The following XRCC5 variants were observed in gnomAD, a reference collection of about 807,000 sequenced individuals.
XRCC5 encodes the protein X-ray repair cross complementing 5.
A neutral mutation model predicts 95.7 loss-of-function variants in XRCC5; 12 were observed. That is an observed-to-expected ratio of 0.13 (90% CI 0.08 to 0.20). The LOEUF is 0.20. Ranked by LOEUF, XRCC5 falls within the 10% of genes least tolerant of loss-of-function variation. XRCC5 has a pLI of 1.00. For missense variants in XRCC5, 595 were observed against 873.9 expected (o/e 0.68, Z 4.02); for synonymous variants, 281 against 290.3 (o/e 0.97, Z 0.33).
At chr2:216,165,732 G>A (rs546274367) in intron 16 of XRCC5, among the ~76,000 whole-genome samples, 1 of 152,258 alleles carries the variant, frequency 6.6e-6, no homozygotes, top group Admixed American at 6.5e-5. Flanking sequence ...AAATTCAGTT[G>A]TCAAAAGGGC....
chr2:216,136,111 C>T (rs1352689854), intron 10 of XRCC5, among the ~76,000 whole-genome samples: 1 of 152,002 alleles, frequency 6.6e-6, no homozygotes, highest in African/African-American at 2.4e-5. Flanking sequence ...AATCCCAGCA[C>T]TTTGGGAGGC....
At chr2:216,202,908 G>C (rs915012106) in intron 19 of XRCC5, among the ~76,000 whole-genome samples, 14 of 152,212 alleles carry the variant, frequency 9.2e-5, no homozygotes, top group African/African-American at 3.4e-4. Flanking sequence ...AGAACAGGCA[G>C]AGCTTTCTTG....
In XRCC5 at chr2:216,136,490, T is replaced by G. The variant is rs546760259; in HGVS notation, c.1114-598T>G. Reference sequence around the variant, plus strand: ...AAGGTCTAAAGTAGAATTTACAAATTGGTGGAGAAAAGAGAATAATCAGGG... The same window carrying G: ...AAGGTCTAAAGTAGAATTTACAAATGGGTGGAGAAAAGAGAATAATCAGGG... On this transcript the variant is annotated intron_variant, in intron 10 of 20. Transcript: ENST00000392132. Among the ~76,000 whole-genome samples the G allele has an allele frequency of 7.9e-5, 12 of 152,120 alleles. 1 individual carries two copies. In the South Asian group the frequency reaches 2.5e-3, roughly 32 times the overall value.
chr2:216,111,857 A>C (rs41296914), intron 1 of XRCC5, among the ~76,000 whole-genome samples: 4,916 of 152,272 alleles, frequency 0.032, 280 homozygotes, highest in African/African-American at 0.11. Flanking sequence ...TGACATTCCC[A>C]AGGACTCAGA....
chr2:216,194,831 C>G, intron 18 of XRCC5, 88 bp from the exon 19 acceptor site: 1 of 1,229,032 alleles, frequency 8.1e-7, no homozygotes, highest in African/African-American at 1.5e-5. Flanking sequence ...ATCTTCAGCT[C>G]AAAGGTGGGA....
intron 8 of XRCC5, among the ~76,000 whole-genome samples, chr2:216,129,755 C>T (rs1002050649): frequency 6.6e-6 from 1 of 152,162 alleles, no homozygotes; most frequent in African/African-American, 2.4e-5. Flanking sequence ...CTCACTGCAA[C>T]CTCCACCTCC....
intron 16 of XRCC5, among the ~76,000 whole-genome samples, chr2:216,184,584 C>A (rs1158521697): frequency 6.6e-6 from 1 of 152,168 alleles, no homozygotes; most frequent in Non-Finnish European, 1.5e-5. Context: ...TCAGATGATT[C>A]TCCTGCCTCC....
intron 13 of XRCC5, among the ~76,000 whole-genome samples, chr2:216,145,151 G>A (rs1309664961): frequency 6.6e-6 from 1 of 152,132 alleles, no homozygotes; most frequent in African/African-American, 2.4e-5. Context: ...ACAATGCCTA[G>A]ATGAGAAAGA....
At chr2:216,193,359 T>C (rs1169389237) in intron 18 of XRCC5, among the ~76,000 whole-genome samples, 1 of 152,208 alleles carries the variant, frequency 6.6e-6, no homozygotes, top group Non-Finnish European at 1.5e-5. Flanking sequence ...AGAACCCAAG[T>C]ATAAGATATT....
intron 6 of XRCC5, among the ~76,000 whole-genome samples, chr2:216,125,133 A>G (rs1696881622): frequency 6.6e-6 from 1 of 152,000 alleles, no homozygotes; most frequent in Admixed American, 6.6e-5. Flanking sequence ...GTAAACAGTG[A>G]TGATAATTAT....
At chr2:216,167,105 TAAG>T (rs1689066777) in intron 16 of XRCC5, among the ~76,000 whole-genome samples, 1 of 152,204 alleles carries the variant, frequency 6.6e-6, no homozygotes, top group Non-Finnish European at 1.5e-5. Flanking sequence ...AGAGAAGACC[TAAG>T]TAGAAATAAT....
rs1244060631 is a variant in XRCC5 at position 216,117,802 on chromosome 2, T to C, written c.368+8T>C. 9.9e-6 allele frequency: 16 copies of C among 1,613,928 alleles called. No homozygotes were observed. Among genetic ancestry groups the C allele is most frequent in the Middle Eastern group, 1.6e-4 (1 of 6,082 alleles). ...GATTCAACATGAAACAATGTAAGTG[T>C]TCCAAGGAAGAGAGCTGGAAGAGAA... On this transcript the variant is annotated splice_region_variant and intron_variant, in intron 4 of 20. Transcript: ENST00000392132.
chr2:216,184,876 C>G (rs1176567592), intron 16 of XRCC5, among the ~76,000 whole-genome samples: 3 of 152,230 alleles, frequency 2.0e-5, no homozygotes, highest in Non-Finnish European at 4.4e-5. Context: ...AGATCCCCTC[C>G]TCACCCTCCC....
At chr2:216,187,821 A>ACACTCTCTCTCT (rs1312215177) in intron 16 of XRCC5, among the ~76,000 whole-genome samples, 7 of 47,948 alleles carry the variant, frequency 1.5e-4, no homozygotes, top group African/African-American at 6.0e-4. Context: ...ACACACACAC[A>ACACTCTCTCTCT]CTCTCTCTCT....
At position 216,122,040 on chromosome 2, in the gene XRCC5, T is replaced by C. The variant is rs369682289; in HGVS notation, c.492-22T>C. ...ACAGTTACAGGATTAGAACACTAAC[T>C]ACTGTTGATCTTTCTTAATAGCTTG... On this transcript the variant is annotated intron_variant, in intron 5 of 20. Transcript: ENST00000392132. The C allele has an allele frequency of 5.0e-6, 8 of 1,595,912 alleles. No homozygotes were observed. The African/African-American group carries it at 1.1e-4, about 21-fold the overall frequency.
chr2:216,136,324 C>T (rs1332885742), intron 10 of XRCC5, among the ~76,000 whole-genome samples: 1 of 147,088 alleles, frequency 6.8e-6, no homozygotes, highest in Non-Finnish European at 1.5e-5. Context: ...CCATTGCATT[C>T]CAGCCTGGGC....
chr2:216,134,001 A>C (rs538949340), intron 10 of XRCC5, among the ~76,000 whole-genome samples: 13 of 152,340 alleles, frequency 8.5e-5, no homozygotes, highest in African/African-American at 2.6e-4. Context: ...GGTGAACTGG[A>C]AACAGCAGGT....
chr2:216,109,745 C>T (rs544485122), intron 1 of XRCC5, among the ~76,000 whole-genome samples: 1 of 151,776 alleles, frequency 6.6e-6, no homozygotes, highest in East Asian at 1.9e-4. Flanking sequence ...ACCTGCCTCC[C>T]CACCCGCCTC....
intron 14 of XRCC5, among the ~76,000 whole-genome samples, chr2:216,149,820 G>T (rs1405145543): frequency 1.3e-5 from 2 of 152,134 alleles, no homozygotes; most frequent in African/African-American, 4.8e-5. Flanking sequence ...TCTTCTGGAA[G>T]CTTGGGTGTG....
Sources: gnomAD v4.1 joint callset for allele counts (sites outside exome capture counted in the v4.1 genomes callset) on GRCh38, gnomAD v4.1.1 for gene constraint, MANE v1.5 for transcripts, NCBI Gene and HGNC (gene_info 2026-07-23, HGNC 2026-07-21) for gene names.